Variants in MARCHF1 observed in about 807,000 individuals in gnomAD.
The protein encoded by MARCHF1 is membrane associated ring-CH-type finger 1, also known as E3 ubiquitin-protein ligase MARCHF1.
Under a neutral mutation model 54.2 loss-of-function variants are expected in MARCHF1, and 40 were observed. That is an observed-to-expected ratio of 0.74 (90% CI 0.57 to 0.96). The LOEUF (loss-of-function observed/expected upper bound fraction) is 0.96, where lower values mean the gene tolerates loss of function less well. Ranked by LOEUF, MARCHF1 falls within the 40% of genes least tolerant of loss-of-function variation. The pLI is 0.00. For synonymous variants in MARCHF1, 236 were observed against 236.3 expected (o/e 1.00, Z 0.01); for missense variants, 586 against 656.5 (o/e 0.89, Z 1.17).
intron 3 of MARCHF1, among the ~76,000 whole-genome samples, chr4:163,940,507 TTCTG>T (rs779306169): frequency 1.8e-4 from 28 of 151,830 alleles, no homozygotes; most frequent in Admixed American, 3.3e-4. Flanking sequence ...GTGTGTGTGT[TTCTG>T]TGTGTGTGTG....
intron 3 of MARCHF1, among the ~76,000 whole-genome samples, chr4:163,854,461 T>A (rs942053978): frequency 3.9e-5 from 6 of 152,196 alleles, no homozygotes; most frequent in African/African-American, 1.4e-4. Context: ...TAAGTGTTAT[T>A]TTCAGAGATC....
chr4:164,063,172 A>G (rs1174413752), intron 2 of MARCHF1, among the ~76,000 whole-genome samples: 1 of 152,208 alleles, frequency 6.6e-6, no homozygotes, highest in East Asian at 1.9e-4. Context: ...TCAGAATGGC[A>G]AATAAGCATT....
chr4:163,836,214 AATTTATTTATTTATTT>A (rs66939546), intron 4 of MARCHF1, among the ~76,000 whole-genome samples: 4,060 of 137,954 alleles, frequency 0.029, 73 homozygotes, highest in East Asian at 0.065. Flanking sequence ...TGGTAGTTGC[AATTTATTTATTTATTT>A]ATTTATTTAT....
At chr4:164,140,294 T>C (rs1445350352) in intron 1 of MARCHF1, among the ~76,000 whole-genome samples, 3 of 151,630 alleles carry the variant, frequency 2.0e-5, no homozygotes, top group African/African-American at 7.3e-5. Context: ...GAATTGATGT[T>C]TATCATTTCT....
chr4:163,612,864 T>C lies in MARCHF1; in HGVS notation c.417A>G (p.Arg139=). 1 of 1,535,458 alleles carries C rather than the reference T, an allele frequency of 6.5e-7. No individual in the cohort carries two copies. Among genetic ancestry groups the C allele is most frequent in the Non-Finnish European group, 8.7e-7 (1 of 1,146,520 alleles). ...AGATTTGAAGGTGAAAGTCATTTTT[T>C]CTCCCTCTTATTTGTTCTTCTGCAG... ...EHAAEEQIRG[R]KNDFHLQISS... is the part of the protein sequence containing the mutation. The change falls in exon 7 of 10, where the codon AGA becomes AGG. Residue 139 remains arginine (R), a synonymous_variant. Transcript: ENST00000514618.
At chr4:163,620,567 CCACACACACACA>C (rs138692310) in intron 5 of MARCHF1, among the ~76,000 whole-genome samples, 5 of 120,136 alleles carry the variant, frequency 4.2e-5, no homozygotes, top group South Asian at 3.0e-4. Flanking sequence ...ATGAGGTACA[CCACACACACACA>C]CACACACACA....
At chr4:163,972,048 G>A (rs1164885915) in intron 3 of MARCHF1, among the ~76,000 whole-genome samples, 1 of 152,204 alleles carries the variant, frequency 6.6e-6, no homozygotes, top group Non-Finnish European at 1.5e-5. Flanking sequence ...GTCCTTTGCA[G>A]GGACTTGGAT....
intron 1 of MARCHF1, among the ~76,000 whole-genome samples, chr4:164,282,023 A>G (rs1012653019): frequency 8.0e-5 from 12 of 150,710 alleles, no homozygotes; most frequent in African/African-American, 2.9e-4. Context: ...GTTTCACTCT[A>G]CCCTATAGAC....
At chr4:164,276,877 A>G (rs1733895893) in intron 1 of MARCHF1, among the ~76,000 whole-genome samples, 1 of 33,352 alleles carries the variant, frequency 3.0e-5, no homozygotes, top group African/African-American at 4.9e-5. Context: ...TATTACATAC[A>G]TATATATATA....
At position 163,585,399 on chromosome 4, in the gene MARCHF1, G is replaced by A. The variant is rs185530084; in HGVS notation, c.1191+350C>T. 930 of 157,388 alleles carry A rather than the reference G, an allele frequency of 5.9e-3. 7 individuals are homozygous for A. The highest frequency in any genetic ancestry group is 0.019 in the African/African-American group (799 of 41,772). The allele number at this position is 157,388 out of a possible 1,614,324, so 9.7% of individuals were successfully genotyped here. On this transcript the variant is annotated intron_variant, in intron 8 of 9. Coordinates refer to ENST00000514618, the MANE Select transcript of MARCHF1 (RefSeq NM_001394959.1). ...GTAACCTTCTTGAGAACTGGCTTCC[G>A]TAAGCACAATGCTATCATAGTTCTC... is the stretch of plus-strand genomic sequence containing the variant.
chr4:164,362,303 C>T (rs1463702068), intron 1 of MARCHF1, among the ~76,000 whole-genome samples: 10 of 152,032 alleles, frequency 6.6e-5, no homozygotes, highest in African/African-American at 2.4e-4. Context: ...TTTAAAATGT[C>T]CAACTTTCTA....
At chr4:163,913,146 T>A (rs1751231660) in intron 3 of MARCHF1, among the ~76,000 whole-genome samples, 1 of 152,210 alleles carries the variant, frequency 6.6e-6, no homozygotes, top group African/African-American at 2.4e-5. Flanking sequence ...GCAGGTCTTA[T>A]GACTTATTTC....
At position 163,555,555 on chromosome 4, in the gene MARCHF1, G is replaced by A. The variant is rs999689322; in HGVS notation, c.1192-9812C>T. ...AATACTTGGTTGTCTGTTTTCTCTC[G>A]GAGGTTATGGTGAAAGATATTTTAT... On this transcript the variant is annotated intron_variant, in intron 8 of 9. Transcript: ENST00000514618. Among the ~76,000 whole-genome samples, 17 of 151,876 alleles carry A rather than the reference G, an allele frequency of 1.1e-4. No homozygotes were observed. The South Asian group carries it at 1.3e-3, about 11-fold the overall frequency.
chr4:164,361,614 C>T (rs1242347698), intron 1 of MARCHF1, among the ~76,000 whole-genome samples: 2 of 152,068 alleles, frequency 1.3e-5, no homozygotes, highest in Admixed American at 1.3e-4. Context: ...CTCTTACTAC[C>T]ACTGTAGAAA....
chr4:163,976,689 C>A (rs6536765), intron 3 of MARCHF1, among the ~76,000 whole-genome samples: 97,187 of 152,044 alleles, frequency 0.64, 31,228 homozygotes, highest in East Asian at 0.89. Flanking sequence ...CAATGAGTCC[C>A]ATGTTAGAAG....
At chr4:164,074,924 A>G (rs1754945618) in intron 2 of MARCHF1, among the ~76,000 whole-genome samples, 1 of 151,468 alleles carries the variant, frequency 6.6e-6, no homozygotes, top group Non-Finnish European at 1.5e-5. Flanking sequence ...TTCTTATAAA[A>G]TATAATTTCT....
At chr4:164,035,633 C>CAAA (rs34846855) in intron 2 of MARCHF1, among the ~76,000 whole-genome samples, 7,226 of 144,150 alleles carry the variant, frequency 0.05, 263 homozygotes, top group Non-Finnish European at 0.079. Context: ...ATAAAGAATA[C>CAAA]AAAAAAAAAA....
At chr4:163,837,628 T>C (rs991585064) in intron 4 of MARCHF1, among the ~76,000 whole-genome samples, 11 of 151,944 alleles carry the variant, frequency 7.2e-5, no homozygotes, top group African/African-American at 2.7e-4. Context: ...AAAGAATATA[T>C]AAATAAAATT....
chr4:163,577,491 T>C (rs12647858), intron 8 of MARCHF1, among the ~76,000 whole-genome samples: 67,543 of 151,726 alleles, frequency 0.45, 15,169 homozygotes, highest in East Asian at 0.53. Context: ...AATCTGACCT[T>C]TTTCTCTAGC....
Sources: gnomAD v4.1 joint callset for allele counts (sites outside exome capture counted in the v4.1 genomes callset) on GRCh38, gnomAD v4.1.1 for gene constraint, MANE v1.5 for transcripts, NCBI Gene and HGNC (gene_info 2026-07-23, HGNC 2026-07-21) for gene names.